SPAG16: variants seen among roughly 807,000 people sequenced by gnomAD.
SPAG16 encodes sperm associated antigen 16.
A neutral mutation model predicts 80.4 loss-of-function variants in SPAG16; 86 were observed. The observed-to-expected ratio is 1.07, with a 90% CI of 0.90 to 1.28. SPAG16 has a LOEUF of 1.28. Among genes scored for constraint, SPAG16 ranks in the 50% most tolerant of loss-of-function variants. The probability of loss-of-function intolerance (pLI) is 0.00; values close to 1 mark genes in which losing one functional copy is unlikely to be tolerated. For synonymous variants in SPAG16, 294 were observed against 265.9 expected, an observed-to-expected ratio of 1.11 and a Z score of -1.03; for missense variants, 870 against 765.3, an observed-to-expected ratio of 1.14 and a Z score of -1.61.
At chr2:214,165,795 C>T (rs1052352102) in intron 15 of SPAG16, among the ~76,000 whole-genome samples, 1 of 151,926 alleles carries the variant, frequency 6.6e-6, no homozygotes, top group African/African-American at 2.4e-5. Context: ...CATACTGCTC[C>T]ACTATTTTCA....
At chr2:213,431,566 A>G (rs1244604456) in intron 9 of SPAG16, among the ~76,000 whole-genome samples, 1 of 152,092 alleles carries the variant, frequency 6.6e-6, no homozygotes, top group Admixed American at 6.6e-5. Context: ...ATCAGTCCTA[A>G]ATATATATGC....
chr2:213,880,928 CTTTG>C (rs2076318943), intron 11 of SPAG16, among the ~76,000 whole-genome samples: 1 of 152,006 alleles, frequency 6.6e-6, no homozygotes, highest in South Asian at 2.1e-4. Flanking sequence ...CTTTGCTCTT[CTTTG>C]TTTGAATGAC....
At chr2:214,031,125 G>A (rs1053994017) in intron 13 of SPAG16, among the ~76,000 whole-genome samples, 1 of 151,918 alleles carries the variant, frequency 6.6e-6, no homozygotes, top group Non-Finnish European at 1.5e-5. Context: ...TGGGTTTTTG[G>A]TGTGGATGTC....
chr2:213,676,178 C>T (rs2064062547), intron 10 of SPAG16, among the ~76,000 whole-genome samples: 1 of 151,910 alleles, frequency 6.6e-6, no homozygotes, highest in South Asian at 2.1e-4. Context: ...CATGATTTGG[C>T]TCTCTGTCTG....
chr2:213,893,696 A>G lies in SPAG16; in HGVS notation c.1214+31068A>G, dbSNP rs761083763. On this transcript the variant is annotated intron_variant, in intron 11 of 15. Transcript: ENST00000331683. ...TGTAAAATAACTTTATTATATCTAT[A>G]AGATATTTTTGTAAGACTCATGGTG... Among the ~76,000 whole-genome samples, 26 of 152,170 alleles carry G rather than the reference A, an allele frequency of 1.7e-4. No homozygotes were observed. In the Middle Eastern group the frequency reaches 0.034, roughly 199 times the overall value.
chr2:213,762,083 G>T (rs928896422), intron 10 of SPAG16, among the ~76,000 whole-genome samples: 23 of 151,902 alleles, frequency 1.5e-4, no homozygotes, highest in African/African-American at 5.3e-4. Flanking sequence ...CACATTAAGA[G>T]AACAAAGAAG....
chr2:213,502,157 A>ATC (rs2074769262), intron 10 of SPAG16, among the ~76,000 whole-genome samples: 1 of 152,170 alleles, frequency 6.6e-6, no homozygotes. Context: ...ACAGAATCTC[A>ATC]TCCTGTCACT....
intron 15 of SPAG16, among the ~76,000 whole-genome samples, chr2:214,270,690 ATG>A (rs1691924703): frequency 6.6e-6 from 1 of 152,078 alleles, no homozygotes. Context: ...TATGCCTGAA[ATG>A]CATATGCTTG....
chr2:213,977,498 A>T (rs539831430), intron 12 of SPAG16, among the ~76,000 whole-genome samples: 53 of 152,198 alleles, frequency 3.5e-4, no homozygotes, highest in African/African-American at 1.2e-3. Context: ...ATTCCTGTTC[A>T]TAAAGGCAAA....
intron 10 of SPAG16, among the ~76,000 whole-genome samples, chr2:213,765,349 C>T (rs1180295889): frequency 1.3e-5 from 2 of 152,106 alleles, no homozygotes; most frequent in East Asian, 3.9e-4. Context: ...AGCCTGGTGA[C>T]AGAGTGAGAC....
At chr2:214,232,143 T>C (rs1257239341) in intron 15 of SPAG16, among the ~76,000 whole-genome samples, 1 of 152,004 alleles carries the variant, frequency 6.6e-6, no homozygotes, top group Non-Finnish European at 1.5e-5. Flanking sequence ...TTAAATACAC[T>C]TTCTTATTCT....
chr2:213,345,954 C>T (rs2064959036), intron 6 of SPAG16, among the ~76,000 whole-genome samples: 1 of 152,146 alleles, frequency 6.6e-6, no homozygotes, highest in Admixed American at 6.5e-5. Flanking sequence ...GGCATTGAAT[C>T]TATAAATTAC....
chr2:214,393,884 A>G (rs1321158882), intron 15 of SPAG16, among the ~76,000 whole-genome samples: 1 of 152,176 alleles, frequency 6.6e-6, no homozygotes, highest in Non-Finnish European at 1.5e-5. Flanking sequence ...AAGCTCAAAT[A>G]ATGTCTATTT....
chr2:213,590,015 C>T (rs1355960182), intron 10 of SPAG16, among the ~76,000 whole-genome samples: 1 of 151,886 alleles, frequency 6.6e-6, no homozygotes, highest in Non-Finnish European at 1.5e-5. Context: ...ATAATATTCC[C>T]TCCCATTCTT....
rs554397772 is a variant in SPAG16 at position 213,930,709 on chromosome 2, A to C, written c.1400+564A>C. On this transcript the variant is annotated intron_variant, in intron 12 of 15. Coordinates refer to ENST00000331683, the MANE Select transcript of SPAG16 (RefSeq NM_024532.5). The stretch of plus-strand genomic sequence containing the variant: ...ATGTTTTGATTTTAATTCAAGGTAG[A>C]CAAATTCATTATGTTTCAAATATTG... Among the ~76,000 whole-genome samples, 6 of 152,340 alleles carry C rather than the reference A, an allele frequency of 3.9e-5. No individual in the cohort carries two copies. The East Asian group carries it at 9.6e-4, about 24-fold the overall frequency.
chr2:214,232,587 C>CG (rs71037352), intron 15 of SPAG16, among the ~76,000 whole-genome samples: 1,713 of 151,278 alleles, frequency 0.011, 27 homozygotes, highest in African/African-American at 0.037. Context: ...GTGAAGGAGT[C>CG]GGGGGGGGCT....
chr2:214,112,885 G>A (rs1290106741), intron 14 of SPAG16, among the ~76,000 whole-genome samples: 2 of 151,958 alleles, frequency 1.3e-5, no homozygotes, highest in South Asian at 2.1e-4. Flanking sequence ...TGGTTATTTT[G>A]CCCATTAATT....
intron 10 of SPAG16, among the ~76,000 whole-genome samples, chr2:213,664,809 G>A (rs2063544020): frequency 6.7e-6 from 1 of 148,342 alleles, no homozygotes; most frequent in Non-Finnish European, 1.5e-5. Flanking sequence ...TCATATATGT[G>A]TGTGTCTGTA....
chr2:213,369,534 T>C (rs12619432), intron 8 of SPAG16, among the ~76,000 whole-genome samples: 21,532 of 152,062 alleles, frequency 0.14, 2,307 homozygotes, highest in East Asian at 0.47. Context: ...ATAATTTACC[T>C]ACAATAAAAT....
Sources: allele counts gnomAD v4.1 joint callset (sites outside exome capture counted in the v4.1 genomes callset), GRCh38; gene constraint gnomAD v4.1.1; transcripts MANE v1.5; gene names NCBI Gene and HGNC (gene_info 2026-07-23, HGNC 2026-07-21).